Variants in MAST4 observed in about 807,000 individuals in gnomAD.
MAST4 encodes the protein microtubule associated serine/threonine kinase family member 4, also known as microtubule-associated serine/threonine-protein kinase 4.
In MAST4, 89 loss-of-function variants were observed where a neutral mutation model predicts 162.7. The observed-to-expected ratio is 0.55, with a 90% CI of 0.46 to 0.65. The LOEUF (loss-of-function observed/expected upper bound fraction) is 0.65. MAST4 is among the 30% of genes least tolerant of loss of function. The pLI, the probability that MAST4 is intolerant of heterozygous loss-of-function variation, is 0.00. For missense variants in MAST4, 3,153 were observed against 3,374.0 expected (o/e 0.93, Z 1.62); for synonymous variants, 1,479 against 1,361.1 (o/e 1.09, Z -1.91).
At chr5:66,796,732 C>T (rs1001759052) in intron 3 of MAST4, among the ~76,000 whole-genome samples, 10 of 152,092 alleles carry the variant, frequency 6.6e-5, no homozygotes, top group African/African-American at 2.2e-4. Flanking sequence ...TTATTTATTA[C>T]CTGTTTACCC....
intron 4 of MAST4, among the ~76,000 whole-genome samples, chr5:66,939,914 A>T (rs138343196): frequency 2.0e-4 from 30 of 152,260 alleles, no homozygotes; most frequent in African/African-American, 6.5e-4. Flanking sequence ...AAAACAATGT[A>T]CATTAGCCAG....
intron 4 of MAST4, among the ~76,000 whole-genome samples, chr5:67,031,613 T>A (rs1755334594): frequency 6.6e-6 from 1 of 152,186 alleles, no homozygotes; most frequent in Non-Finnish European, 1.5e-5. Flanking sequence ...ACAGACTTAG[T>A]GAAGATTTGT....
At chr5:66,851,345 A>C (rs1429031845) in intron 3 of MAST4, among the ~76,000 whole-genome samples, 1 of 152,206 alleles carries the variant, frequency 6.6e-6, no homozygotes, top group Non-Finnish European at 1.5e-5. Context: ...GCATCTCCTT[A>C]ACCAGGGTTT....
At chr5:66,901,682 A>C (rs989788749) in intron 4 of MAST4, among the ~76,000 whole-genome samples, 4 of 152,158 alleles carry the variant, frequency 2.6e-5, no homozygotes, top group Non-Finnish European at 4.4e-5. Context: ...GTATATGTAT[A>C]TGTGAACACA....
At chr5:67,100,718 G>A in intron 8 of MAST4, 126 bp downstream of exon 8, 1 of 1,140,776 alleles carries the variant, frequency 8.8e-7, no homozygotes, top group South Asian at 1.5e-5. Context: ...CAAATATAGT[G>A]TGATGTTTCC....
intron 1 of MAST4, among the ~76,000 whole-genome samples, chr5:66,629,895 T>C (rs1012000091): frequency 2.0e-5 from 3 of 152,232 alleles, no homozygotes; most frequent in African/African-American, 7.2e-5. Flanking sequence ...ATAGTTTTAT[T>C]TTGAAACTTT....
chr5:66,884,631 C>T (rs1238984371), intron 3 of MAST4, among the ~76,000 whole-genome samples: 2 of 152,176 alleles, frequency 1.3e-5, no homozygotes, highest in Non-Finnish European at 2.9e-5. Flanking sequence ...TAATACTCTG[C>T]TACTGTAGGG....
intron 1 of MAST4, among the ~76,000 whole-genome samples, chr5:66,725,137 T>G (rs1032816843): frequency 6.6e-6 from 1 of 152,108 alleles, no homozygotes; most frequent in Non-Finnish European, 1.5e-5. Flanking sequence ...TCAATTGATA[T>G]CTTAAGGACA....
intron 5 of MAST4, among the ~76,000 whole-genome samples, chr5:67,075,214 A>T (rs982482194): frequency 9.3e-5 from 13 of 140,478 alleles, no homozygotes; most frequent in African/African-American, 3.0e-4. Context: ...TCTGTCATCT[A>T]AGCTGGAGTG....
chr5:66,670,335 CAT>C (rs1251101474), intron 1 of MAST4, among the ~76,000 whole-genome samples: 1 of 152,044 alleles, frequency 6.6e-6, no homozygotes, highest in Non-Finnish European at 1.5e-5. Flanking sequence ...TTTTAAGAAA[CAT>C]ATAATTAAAA....
intron 3 of MAST4, among the ~76,000 whole-genome samples, chr5:66,854,151 G>A (rs752458388): frequency 3.3e-5 from 5 of 152,024 alleles, no homozygotes; most frequent in Non-Finnish European, 5.9e-5. Context: ...CACTGCCCCC[G>A]GCTGGTGTCA....
At chr5:67,090,929 C>T (rs1330765104) in intron 6 of MAST4, among the ~76,000 whole-genome samples, 1 of 151,838 alleles carries the variant, frequency 6.6e-6, no homozygotes, top group Non-Finnish European at 1.5e-5. Context: ...CTCCTTCATC[C>T]CTCTCACATG....
chr5:66,618,043 G>C (rs566365518), intron 1 of MAST4, among the ~76,000 whole-genome samples: 2 of 150,214 alleles, frequency 1.3e-5, no homozygotes, highest in East Asian at 3.9e-4. Flanking sequence ...TGGGGGGGGG[G>C]CCCTGATTCT....
intron 14 of MAST4, among the ~76,000 whole-genome samples, chr5:67,128,175 C>G (rs1038635221): frequency 6.6e-6 from 1 of 152,138 alleles, no homozygotes; most frequent in African/African-American, 2.4e-5. Context: ...ATAATGCTTT[C>G]CCTTTTTATA....
intron 3 of MAST4, among the ~76,000 whole-genome samples, chr5:66,830,313 A>G (rs1399871077): frequency 6.6e-6 from 1 of 152,114 alleles, no homozygotes; most frequent in Non-Finnish European, 1.5e-5. Flanking sequence ...ACAACTTCAG[A>G]GGAGATAGTT....
rs372302691 is a variant in MAST4 at position 67,153,525 on chromosome 5, A to G, written c.3593A>G (p.Asn1198Ser). 46 of 1,601,090 alleles carry G rather than the reference A, an allele frequency of 2.9e-5. No individual in the cohort carries two copies. The African/African-American group carries it at 4.3e-4, about 15-fold the overall frequency. ...GCTGGAGATCTTATCACTCACATCA[A>G]TGGAGAACCAGTGCATGGACTTGTC... ...LKAGDLITHI[N>S]GEPVHGLVHT... Residue 1198 changes from asparagine (N) to serine (S), a missense_variant, in exon 26 of 29, where the codon AAT becomes AGT. Asn to Ser is a conservative substitution (Grantham distance 46). Transcript: ENST00000403625.
chr5:67,045,248 C>T (rs954200396), intron 4 of MAST4, among the ~76,000 whole-genome samples: 1 of 152,050 alleles, frequency 6.6e-6, no homozygotes, highest in African/African-American at 2.4e-5. Flanking sequence ...AATTTATAGC[C>T]CACTCCTAGG....
chr5:67,164,440 CTT>C lies in MAST4; in HGVS notation c.5264_5265del (p.Phe1755CysfsTer23), dbSNP rs761797086. 1.2e-6 allele frequency: 2 copies of C among 1,614,020 alleles called. No homozygotes were observed. Among genetic ancestry groups the C allele is most frequent in the Non-Finnish European group, 1.7e-6 (2 of 1,179,898 alleles). On this transcript the variant is annotated frameshift_variant, in exon 29 of 29. Coordinates refer to ENST00000403625, the MANE Select transcript of MAST4 (RefSeq NM_001164664.2). LOFTEE classifies it low-confidence loss of function (END_TRUNC). This position sits in a 1 kb window ranked among gnomAD's most constrained non-coding sequence, Gnocchi z 5.3. ...CATGCAGCTCAGATGAGTGCCGTCT[CTT>C]TTGTTCCCCTCAAGGCCTTAACAGG...
chr5:66,707,070 C>T (rs1750181703), intron 1 of MAST4, among the ~76,000 whole-genome samples: 1 of 152,096 alleles, frequency 6.6e-6, no homozygotes, highest in African/African-American at 2.4e-5. Flanking sequence ...TCTTCTGTCC[C>T]TTAACCTGCT....
Sources: allele counts gnomAD v4.1 joint callset (sites outside exome capture counted in the v4.1 genomes callset), GRCh38; gene constraint gnomAD v4.1.1; non-coding constraint Gnocchi (gnomAD v3.1); transcripts MANE v1.5; gene names NCBI Gene and HGNC (gene_info 2026-07-23, HGNC 2026-07-21).